Variants in LENG8 observed in about 807,000 individuals in gnomAD.
The protein encoded by LENG8 is leukocyte receptor cluster member 8, also known as leukocyte receptor cluster (LRC) member 8.
LENG8 carries 28 observed loss-of-function variants against 102.1 expected under a neutral mutation model. The observed-to-expected ratio is 0.27, with a 90% CI of 0.20 to 0.38. The LOEUF is 0.38. LENG8 is among the 10% of genes least tolerant of loss of function. The pLI is 1.00. For missense variants in LENG8, 1,022 were observed against 1,113.9 expected (o/e 0.92, Z 1.17); for synonymous variants, 531 against 456.7 (o/e 1.16, Z -2.07).
At position 54,456,119 on chromosome 19, in the gene LENG8, C is replaced by G; in HGVS notation, c.1178C>G (p.Ala393Gly). The G allele has an allele frequency of 6.2e-7, 1 of 1,610,426 alleles. No individual in the cohort carries two copies. Among genetic ancestry groups the G allele is most frequent in the Non-Finnish European group, 8.5e-7 (1 of 1,177,686 alleles). ...CCCGGGGCTGGGGGTGCCGGTCGAG[C>G]CCGGGGCAACAGCTTCACCAAGTTT... ...GTPGAGGAGR[A>G]RGNSFTKFGN... The change falls in exon 9 of 16, where the codon GCC becomes GGC. Residue 393 changes from alanine (A) to glycine (G), a missense_variant. Physicochemically the swap from Ala to Gly is moderately conservative, Grantham distance 60. This residue lies in a region of LENG8 where 326 missense variants were observed against 324.5 expected (regional missense o/e 1.00). Coordinates refer to ENST00000326764, the MANE Select transcript of LENG8 (RefSeq NM_052925.4).
At chr19:54,456,944 C>A in intron 11 of LENG8, 23 bp downstream of exon 11, 1 of 1,587,130 alleles carries the variant, frequency 6.3e-7, no homozygotes, top group Non-Finnish European at 8.5e-7. Flanking sequence ...CAGGGCAGTT[C>A]TGCTCTGTGA....
At position 54,454,662 on chromosome 19, in the gene LENG8, A is replaced by G. The variant is rs1753042046; in HGVS notation, c.659A>G (p.Gln220Arg). The G allele has an allele frequency of 3.1e-6, 5 of 1,602,704 alleles. No homozygotes were observed. Among genetic ancestry groups the G allele is most frequent in the Non-Finnish European group, 4.2e-6 (5 of 1,176,714 alleles). The change falls in exon 6 of 16, where the codon CAG (glutamine) becomes CGG (arginine). Residue 220 changes from glutamine to arginine, a missense_variant. Physicochemically the swap from Gln to Arg is conservative, Grantham distance 43. Around this residue, in one of 7 missense-constraint regions of LENG8, gnomAD observed 343 missense variants for 320.2 expected, o/e 1.07. Transcript: ENST00000326764. ...TEPAKPKKGQ[Q>R]LWNRMKPAPG... ...CCTGCCAAGCCCAAGAAGGGCCAAC[A>G]GCTGTGGAACCGCATGAAACGTAAG... is the stretch of plus-strand genomic sequence containing the variant.
Position 54,461,192 on chromosome 19 carries a change from G to T in LENG8, c.*264G>T. The T allele has an allele frequency of 1.5e-6, 1 of 677,882 alleles. No homozygotes were observed. Among genetic ancestry groups the T allele is most frequent in the Non-Finnish European group, 2.7e-6 (1 of 369,740 alleles). 42.0% of individuals were successfully genotyped at this position (677,882 alleles called of 1,614,324 possible). On this transcript the variant is annotated 3_prime_UTR_variant, in exon 16 of 16. Transcript: ENST00000326764. ...GGGGGCATGGTCTGCAGGCTCATCTGTGTCCGCCTTTCACTCCACTAATGC... is the reference window on the plus strand; with the variant it reads ...GGGGGCATGGTCTGCAGGCTCATCTTTGTCCGCCTTTCACTCCACTAATGC...
rs1019670796 is a variant in LENG8 at position 54,454,664 on chromosome 19, C to G, written c.661C>G (p.Leu221Val). 2.5e-6 allele frequency: 4 copies of G among 1,600,470 alleles called. No homozygotes were observed. In the African/African-American group the frequency reaches 5.4e-5, roughly 21 times the overall value. ...EPAKPKKGQQ[L>V]WNRMKPAPGT... Reference sequence around the variant, plus strand: ...TGCCAAGCCCAAGAAGGGCCAACAGCTGTGGAACCGCATGAAACGTAAGTT... The same window carrying G: ...TGCCAAGCCCAAGAAGGGCCAACAGGTGTGGAACCGCATGAAACGTAAGTT... The change falls in exon 6 of 16, where the codon CTG becomes GTG. Residue 221 changes from leucine (L) to valine (V), a missense_variant. Around this residue, in one of 7 missense-constraint regions of LENG8, gnomAD observed 343 missense variants for 320.2 expected, o/e 1.07. Transcript: ENST00000326764.
chr19:54,455,293 G>C (rs2084166742), intron 7 of LENG8, 71 bp from the exon 8 acceptor site: 1 of 1,562,394 alleles, frequency 6.4e-7, no homozygotes. Flanking sequence ...TGTCAGCTCA[G>C]AGTGGCGGTG....
rs114022240 is a variant in LENG8, at chr19:54,461,547, C to T, written c.*619C>T. 7.5e-3 allele frequency: 3,550 copies of T among 471,862 alleles called. 30 individuals are homozygous for T. Among genetic ancestry groups the T allele is most frequent in the African/African-American group, 0.014 (709 of 50,224 alleles). The allele number at this position is 471,862 out of a possible 1,614,324, so 29.2% of individuals were successfully genotyped here. On this transcript the variant is annotated 3_prime_UTR_variant, in exon 16 of 16. Coordinates refer to ENST00000326764, the MANE Select transcript of LENG8 (RefSeq NM_052925.4). ...CACACCGCACTGAGGACACGCCGGC[C>T]GGGCCGCCTCGTCTCAAGTTGTATA...
At chr19:54,459,117 C>G in intron 15 of LENG8, 1 of 1,354,864 alleles carries the variant, frequency 7.4e-7, no homozygotes, top group Non-Finnish European at 9.5e-7. Context: ...TTGCTTGACT[C>G]ATGTTTAGAC....
At position 54,460,983 on chromosome 19, in the gene LENG8, C is replaced by A. The variant is rs117449644; in HGVS notation, c.*55C>A. ...GCTGCAGCCCCCAGCGCTGCCTTTG[C>A]GGATTCTGTTTTTGAGCCGTGGACT... On this transcript the variant is annotated 3_prime_UTR_variant, in exon 16 of 16. Transcript: ENST00000326764. The A allele has an allele frequency of 1.3e-6, 2 of 1,534,636 alleles. No individual in the cohort carries two copies. Among genetic ancestry groups the A allele is most frequent in the East Asian group, 4.9e-5 (2 of 40,894 alleles).
At chr19:54,449,444 G>T (rs1207333186) in intron 1 of LENG8, 134 bp downstream of exon 1, 1 of 152,128 alleles carries the variant, frequency 6.6e-6, no homozygotes, top group African/African-American at 2.4e-5. Flanking sequence ...GTGTGGCGGC[G>T]CAGGGGCAGC....
chr19:54,452,353 G>A lies in LENG8; in HGVS notation c.213+86G>A, dbSNP rs564763291. 8.1e-5 allele frequency: 99 copies of A among 1,226,130 alleles called. 1 individual carries two copies. Among genetic ancestry groups the A allele is most frequent in the South Asian group, 5.2e-4 (36 of 69,342 alleles). The allele number at this position is 1,226,130 out of a possible 1,614,324, so 76.0% of individuals were successfully genotyped here. On this transcript the variant is annotated intron_variant, in intron 3 of 15. Coordinates refer to ENST00000326764, the MANE Select transcript of LENG8 (RefSeq NM_052925.4). ...TGGCGTCCTGTTGTATCATTCAGAC[G>A]GGGTGCTCTGAGGGGAAACATGAAA...
intron 15 of LENG8, 181 bp from the exon 16 acceptor site, chr19:54,460,585 A>AC (rs60779846): frequency 0.31 from 422,791 of 1,352,078 alleles, 59,319 homozygotes; most frequent in East Asian, 0.55. Context: ...GGGGTCACTA[A>AC]CCCCCCCCGG....
At chr19:54,457,639 C>T (rs927610636) in intron 11 of LENG8, 108 bp from the exon 12 acceptor site, 8 of 821,308 alleles carry the variant, frequency 9.7e-6, no homozygotes, top group Non-Finnish European at 1.5e-5. Context: ...CTGCGCCTGG[C>T]CTTTTTTTTC....
chr19:54,461,454 G>C lies in LENG8; in HGVS notation c.*526G>C. On this transcript the variant is annotated 3_prime_UTR_variant, in exon 16 of 16. Transcript: ENST00000326764. The stretch of plus-strand genomic sequence containing the variant: ...GTGTTTGGGGTGGGGGAGCTGCTTA[G>C]AGACTGTGCCCGTCCTCGGCCCCCC... The C allele has an allele frequency of 4.3e-6, 2 of 461,670 alleles. No individual in the cohort carries two copies. The highest frequency in any genetic ancestry group is 3.1e-5 in the South Asian group (2 of 64,346). 28.6% of individuals were successfully genotyped at this position (461,670 alleles called of 1,614,324 possible).
intron 7 of LENG8, 133 bp downstream of exon 7, chr19:54,455,225 G>C (rs2084164458): frequency 1.1e-5 from 17 of 1,491,130 alleles, no homozygotes; most frequent in Non-Finnish European, 1.5e-5. Context: ...CCCTCTCTTG[G>C]GGGTTGCTGT....
chr19:54,455,280 C>T, intron 7 of LENG8, 84 bp from the exon 8 acceptor site: 3 of 1,536,176 alleles, frequency 2.0e-6, no homozygotes, highest in Middle Eastern at 1.7e-4. Flanking sequence ...CTGCGTCCCG[C>T]TGTGTCAGCT....
rs370395966 is a variant in LENG8 at position 54,452,564 on chromosome 19, T to C, written c.214-87T>C. ...GGACCCAGTTTCATCCCTTGGCAAT[T>C]GGCCACCAGTAAACAGGCTTGCCCT... On this transcript the variant is annotated intron_variant, in intron 3 of 15. Transcript: ENST00000326764. 95 of 1,078,776 alleles carry C rather than the reference T, an allele frequency of 8.8e-5. 1 individual carries two copies. The highest frequency in any genetic ancestry group is 6.5e-4 in the South Asian group (52 of 79,472). The allele number at this position is 1,078,776 out of a possible 1,614,324, so 66.8% of individuals were successfully genotyped here. A position where few individuals can be genotyped will look rare whatever the true frequency, so the allele number is the denominator to read the frequency against.
intron 1 of LENG8, chr19:54,449,851 C>G (rs1031178660): frequency 2.0e-5 from 3 of 152,850 alleles, no homozygotes; most frequent in African/African-American, 7.2e-5. Flanking sequence ...CTCTAATCTC[C>G]CTTCTGCCCT....
intron 1 of LENG8, chr19:54,449,518 C>T (rs991491988): frequency 5.9e-5 from 9 of 152,140 alleles, no homozygotes; most frequent in African/African-American, 1.4e-4. Flanking sequence ...GCGCCGTCGT[C>T]TTCTAATTTC....
Position 54,461,104 on chromosome 19 carries a change from A to G in LENG8, c.*176A>G, listed in dbSNP as rs2084525665. ...GGGGAGTCTGTACAGAGATTTTTCT[A>G]CGTTTTTATTTTTTGCCTCAGAGGG... On this transcript the variant is annotated 3_prime_UTR_variant, in exon 16 of 16. Transcript: ENST00000326764. The G allele has an allele frequency of 9.9e-7, 1 of 1,007,170 alleles. No homozygotes were observed. The highest frequency in any genetic ancestry group is 1.5e-6 in the Non-Finnish European group (1 of 675,156). The allele number at this position is 1,007,170 out of a possible 1,614,324, so 62.4% of individuals were successfully genotyped here. A position where few individuals can be genotyped will look rare whatever the true frequency, so the allele number is the denominator to read the frequency against.
Sources: allele counts gnomAD v4.1 joint callset, GRCh38; gene constraint gnomAD v4.1.1; regional missense constraint gnomAD v4.1.1; transcripts MANE v1.5; gene names NCBI Gene and HGNC (gene_info 2026-07-23, HGNC 2026-07-21).